The following WIZ variants were observed in gnomAD, a reference collection of about 807,000 sequenced individuals.
WIZ encodes the protein protein Wiz.
A neutral mutation model predicts 140.2 loss-of-function variants in WIZ; 25 were observed. That is an observed-to-expected ratio of 0.18 (90% CI 0.13 to 0.25). The LOEUF (loss-of-function observed/expected upper bound fraction) is 0.25, where lower values mean the gene tolerates loss of function less well. WIZ is among the 10% of genes least tolerant of loss of function. The probability of loss-of-function intolerance (pLI) is 1.00; values close to 1 mark genes in which losing one functional copy is unlikely to be tolerated. For synonymous variants in WIZ, 1,125 were observed against 1,154.3 expected, an observed-to-expected ratio of 0.97 and a Z score of 0.51; for missense variants, 2,231 against 2,632.6, an observed-to-expected ratio of 0.85 and a Z score of 3.34.
In WIZ at chr19:15,440,964, G is replaced by A. The variant is rs1439926359; in HGVS notation, c.279-249C>T. On this transcript the variant is annotated intron_variant, in intron 3 of 12. Coordinates refer to ENST00000673675, the MANE Select transcript of WIZ (RefSeq NM_001371589.1). This position sits in a 1 kb window ranked among gnomAD's most constrained non-coding sequence, Gnocchi z 6.2. ...CAAAGCCTAGCCCCGCTGCATTGTG[G>A]GGGAATGTACGGAGACCACCCCTGG... Among the ~76,000 whole-genome samples, 1 of 152,122 alleles carries A rather than the reference G, an allele frequency of 6.6e-6. No homozygotes were observed. The highest frequency in any genetic ancestry group is 1.5e-5 in the Non-Finnish European group (1 of 68,016).
intron 12 of WIZ, 190 bp downstream of exon 12, chr19:15,423,993 T>C (rs1412474658): frequency 4.0e-6 from 2 of 501,120 alleles, no homozygotes; most frequent in Non-Finnish European, 6.8e-6. Context: ...GTGGCAGAGT[T>C]GGGATTTGAA....
In WIZ at chr19:15,423,054, G is replaced by C. The variant is rs1321259056; in HGVS notation, c.*22C>G. The C allele has an allele frequency of 6.2e-7, 1 of 1,607,670 alleles. No individual in the cohort carries two copies. The highest frequency in any genetic ancestry group is 1.3e-5 in the African/African-American group (1 of 74,878). The stretch of plus-strand genomic sequence containing the variant: ...AAGAGGAGACAGAGGTGGCACGAGA[G>C]GGGATCTGGAATGCTTTTGTGTTAG... On this transcript the variant is annotated 3_prime_UTR_variant, in exon 13 of 13. Transcript: ENST00000673675.
intron 2 of WIZ, among the ~76,000 whole-genome samples, chr19:15,447,640 GCCAGCA>G (rs1969964622): frequency 6.6e-6 from 1 of 152,188 alleles, no homozygotes. Context: ...CCAAGGGGTA[GCCAGCA>G]TCGCTGACTA....
In WIZ at chr19:15,440,405, G is replaced by C. The variant is rs899154728; in HGVS notation, c.589C>G (p.Gln197Glu). 2.0e-6 allele frequency: 3 copies of C among 1,535,578 alleles called. No individual in the cohort carries two copies. Among genetic ancestry groups the C allele is most frequent in the Admixed American group, 2.0e-5 (1 of 50,974 alleles). The change falls in exon 4 of 13, where the codon CAG becomes GAG. Residue 197 changes from glutamine (Q) to glutamate (E), a missense_variant. By Grantham distance (29) the Gln-to-Glu change is conservative. This residue lies in a region of WIZ where 307 missense variants were observed against 294.1 expected (regional missense o/e 1.04). Transcript: ENST00000673675. The surrounding 1 kb of genome is among the most constrained non-coding windows in gnomAD (Gnocchi z 6.2). ...AGGTCCAAGTGCAGCCCTGCGTCCT[G>C]GGGGGATCCCTGCTCGTCCTCATCT... ...LQDEDEQGSP[Q>E]DAGLHLDLPA...
intron 2 of WIZ, among the ~76,000 whole-genome samples, chr19:15,444,158 G>C (rs1969839224): frequency 6.6e-6 from 1 of 152,212 alleles, no homozygotes; most frequent in Non-Finnish European, 1.5e-5. Flanking sequence ...AAAAGGGATA[G>C]GGCTGGGGCG....
At chr19:15,423,770 G>C (rs1226787531) in intron 12 of WIZ, among the ~76,000 whole-genome samples, 1 of 152,244 alleles carries the variant, frequency 6.6e-6, no homozygotes, top group Admixed American at 6.5e-5. Context: ...ACTTTGGTAA[G>C]AATTAACTAA....
Position 15,423,107 on chromosome 19 carries a change from T to G in WIZ, c.5639A>C (p.Gln1880Pro). The G allele has an allele frequency of 6.2e-7, 1 of 1,612,244 alleles. No individual in the cohort carries two copies. The highest frequency in any genetic ancestry group is 1.1e-5 in the South Asian group (1 of 90,992). ...AGCCTCTGCCGCCGCTGTCTGTGCC[T>G]GCGGGGCCTGGGACTCCTCAGGTGG... is the stretch of plus-strand genomic sequence containing the variant. Reference protein sequence around the residue: ...DPPPEESQAPQAQTAAAEAP With the variant: ...DPPPEESQAPPAQTAAAEAP The change falls in exon 13 of 13, where the codon CAG becomes CCG. Residue 1880 changes from glutamine to proline, a missense_variant. Around this residue, in one of 15 missense-constraint regions of WIZ, gnomAD observed 299 missense variants for 309.6 expected, o/e 0.97. Transcript: ENST00000673675.
intron 2 of WIZ, among the ~76,000 whole-genome samples, chr19:15,445,881 TG>T (rs1969902708): frequency 6.6e-6 from 1 of 151,056 alleles, no homozygotes; most frequent in African/African-American, 2.4e-5. Context: ...GAGGGCTGAG[TG>T]GGGATAAAGG....
intron 10 of WIZ, 31 bp from the exon 11 acceptor site, chr19:15,425,063 C>T (rs1464125946): frequency 5.9e-6 from 9 of 1,532,456 alleles, no homozygotes; most frequent in Non-Finnish European, 7.0e-6. Flanking sequence ...TGCTGAGTCA[C>T]AGCCCAAAGG....
chr19:15,446,061 G>C (rs1288131348), intron 2 of WIZ, among the ~76,000 whole-genome samples: 1 of 152,156 alleles, frequency 6.6e-6, no homozygotes, highest in Non-Finnish European at 1.5e-5. Flanking sequence ...CCAACATTCA[G>C]GCCATGACCT....
Position 15,425,348 on chromosome 19 carries a change from G to C in WIZ, c.4787C>G (p.Pro1596Arg). The C allele has an allele frequency of 6.4e-7, 1 of 1,559,396 alleles. No individual in the cohort carries two copies. Among genetic ancestry groups the C allele is most frequent in the South Asian group, 1.2e-5 (1 of 85,246 alleles). The change falls in exon 10 of 13, where the codon CCC becomes CGC. Residue 1596 changes from proline (P) to arginine (R), a missense_variant. Pro to Arg is a moderately radical substitution (Grantham distance 103, BLOSUM62 -2). Transcript: ENST00000673675. ...TGGGAGGAGGCGGTCCTCCTGCAGG[G>C]GCCGCTTGGCTGCCACTGAGCCCAG... is the stretch of plus-strand genomic sequence containing the variant. ...GYLGSVAAKR[P>R]LQEDRLLPAE...
rs770462553 is a variant in WIZ at position 15,439,152 on chromosome 19, G to A, written c.1842C>T (p.Ser614=). The A allele has an allele frequency of 7.2e-6, 11 of 1,525,808 alleles. No individual in the cohort carries two copies. The highest frequency in any genetic ancestry group is 1.7e-4 in the Middle Eastern group (1 of 5,932). 94.5% of individuals were successfully genotyped at this position (1,525,808 alleles called of 1,614,324 possible). The part of the protein sequence containing the change: ...QGLGERRRPW[S]EEEEEEEEEE... ...CCTCCTCCTCCTCCTCCTCCTCTTC[G>A]CTCCAAGGGCGCCTCCGTTCCCCCA... Residue 614 remains serine, a synonymous_variant, in exon 4 of 13, where the codon AGC becomes AGT. Transcript: ENST00000673675. This position sits in a 1 kb window ranked among gnomAD's most constrained non-coding sequence, Gnocchi z 7.0.
intron 2 of WIZ, among the ~76,000 whole-genome samples, chr19:15,446,093 T>C (rs1252120033): frequency 6.6e-6 from 1 of 152,170 alleles, no homozygotes; most frequent in Non-Finnish European, 1.5e-5. Context: ...AAGCCATTCC[T>C]ATCCCTGCCC....
At chr19:15,435,605 C>T (rs1050295356) in intron 5 of WIZ, among the ~76,000 whole-genome samples, 5 of 152,124 alleles carry the variant, frequency 3.3e-5, no homozygotes, top group African/African-American at 4.8e-5. Flanking sequence ...GAGGCCGAAG[C>T]GGGCAGATCA....
At position 15,448,277 on chromosome 19, in the gene WIZ, C is replaced by T. The variant is rs1969989709; in HGVS notation, c.31G>A (p.Ala11Thr). 6.2e-7 allele frequency: 1 copy of T among 1,612,968 alleles called. No individual in the cohort carries two copies. Residue 11 changes from alanine (A) to threonine (T), a missense_variant, in exon 2 of 13, where the codon GCA becomes ACA. Around this residue, in one of 15 missense-constraint regions of WIZ, gnomAD observed 85 missense variants for 90.9 expected, o/e 0.94. Transcript: ENST00000673675. Reference sequence around the variant, plus strand: ...TCTGGGCCTTGGGGACGATCTGGTGCAGCCAGGCTGCCTGCCAGAGACCCC... The same window carrying T: ...TCTGGGCCTTGGGGACGATCTGGTGTAGCCAGGCTGCCTGCCAGAGACCCC... MEGSLAGSLAAPDRPQGPERL... is the reference protein window; with the variant it reads MEGSLAGSLATPDRPQGPERL...
At position 15,428,037 on chromosome 19, in the gene WIZ, G is replaced by A; in HGVS notation, c.3814+73C>T. ...TCTACTCCCTGCCCCAGCAGGGAGG[G>A]GGCTGTGACCCCCCCCCCGGGAGGG... On this transcript the variant is annotated intron_variant, in intron 8 of 12. Transcript: ENST00000673675. This position sits in a 1 kb window ranked among gnomAD's most constrained non-coding sequence, Gnocchi z 6.4. 1.3e-6 allele frequency: 2 copies of A among 1,511,992 alleles called. No homozygotes were observed. Among genetic ancestry groups the A allele is most frequent in the Non-Finnish European group, 8.8e-7 (1 of 1,137,060 alleles). 93.7% of individuals were successfully genotyped at this position (1,511,992 alleles called of 1,614,324 possible).
rs1969788903 is a variant in WIZ at position 15,442,746 on chromosome 19, C to T, written c.208G>A (p.Gly70Arg). ...TCGCTGAGGCCGGGATGGGGCTGCC[C>T]GTCTGCAACAGAGAGGGGAGACCCT... ...ILDGRGGISDGQPHPGLSEAL... is the reference protein window; with the variant it reads ...ILDGRGGISDRQPHPGLSEAL... Residue 70 changes from glycine (G) to arginine (R), a missense_variant and splice_region_variant, in exon 3 of 13, where the codon GGG becomes AGG. Physicochemically the swap from Gly to Arg is moderately radical, Grantham distance 125. Around this residue, in one of 15 missense-constraint regions of WIZ, gnomAD observed 16 missense variants for 39.7 expected, o/e 0.40. Coordinates refer to ENST00000673675, the MANE Select transcript of WIZ (RefSeq NM_001371589.1). The surrounding 1 kb of genome is among the most constrained non-coding windows in gnomAD (Gnocchi z 5.5). 2.4e-6 allele frequency: 3 copies of T among 1,232,170 alleles called. No individual in the cohort carries two copies. The highest frequency in any genetic ancestry group is 3.0e-6 in the Non-Finnish European group (3 of 988,036). 76.3% of individuals were successfully genotyped at this position (1,232,170 alleles called of 1,614,324 possible).
At position 15,434,788 on chromosome 19, in the gene WIZ, C is replaced by T. The variant is rs1202278828; in HGVS notation, c.2740+2018G>A. Among the ~76,000 whole-genome samples the T allele has an allele frequency of 3.3e-5, 5 of 152,122 alleles. 1 individual carries two copies. The South Asian group carries it at 1.0e-3, about 31-fold the overall frequency. ...TCACTTGTCCACTCCCTTTGCAGTG[C>T]CCAGTCCTGGGCTCCTTCACCAAAT... On this transcript the variant is annotated intron_variant, in intron 5 of 12. Coordinates refer to ENST00000673675, the MANE Select transcript of WIZ (RefSeq NM_001371589.1).
In WIZ at chr19:15,428,484, T is replaced by A; in HGVS notation, c.3440A>T (p.Glu1147Val). The part of the protein sequence containing the change: ...NLTLDSDGGR[E>V]LDCQLCGAWF... ...GGCACCGCACAGCTGGCAGTCCAGC[T>A]CTCTGCCCCCGTCACTATCTAAAGC... Residue 1147 changes from glutamate (E) to valine (V), a missense_variant, in exon 8 of 13, where the codon GAG becomes GTG. Physicochemically the swap from Glu to Val is moderately radical, Grantham distance 121. This residue lies in a region of WIZ where 39 missense variants were observed against 74.9 expected (regional missense o/e 0.52). Coordinates refer to ENST00000673675, the MANE Select transcript of WIZ (RefSeq NM_001371589.1). This position sits in a 1 kb window ranked among gnomAD's most constrained non-coding sequence, Gnocchi z 6.4. The A allele has an allele frequency of 6.5e-7, 1 of 1,535,336 alleles. No individual in the cohort carries two copies. Among genetic ancestry groups the A allele is most frequent in the African/African-American group, 1.4e-5 (1 of 73,040 alleles).
Sources: allele counts gnomAD v4.1 joint callset (sites outside exome capture counted in the v4.1 genomes callset), GRCh38; gene constraint gnomAD v4.1.1; regional missense constraint gnomAD v4.1.1; non-coding constraint Gnocchi (gnomAD v3.1); transcripts MANE v1.5; gene names NCBI Gene and HGNC (gene_info 2026-07-23, HGNC 2026-07-21).